NUDT6: variants seen among roughly 807,000 people sequenced by gnomAD.
The protein encoded by NUDT6 is FAD diphosphatase NUDT6.
In NUDT6, 24 loss-of-function variants were observed where a neutral mutation model predicts 36.8. The observed-to-expected ratio is 0.65, with a 90% confidence interval of 0.47 to 0.92. NUDT6 has a LOEUF of 0.92. Ranked by LOEUF, NUDT6 falls within the 40% of genes least tolerant of loss-of-function variation. The pLI, the probability that NUDT6 is intolerant of heterozygous loss-of-function variation, is 0.00. For missense variants in NUDT6, 388 were observed against 392.8 expected (o/e 0.99, Z 0.10); for synonymous variants, 163 against 157.0 (o/e 1.04, Z -0.29).
Position 122,917,613 on chromosome 4 carries a change from G to T in NUDT6, c.330C>A (p.Ser110=). ...LQSRFIAPAA[S]LGFCFHHAES... ...CTGCGTGGTGAAAGCAGAAGCCCAG[G>T]GAAGCAGCAGGGGCAATAAATCGGC... The change falls in exon 2 of 5, where the codon TCC becomes TCA. Residue 110 remains serine (S), a synonymous_variant. Transcript: ENST00000304430. 6.2e-7 allele frequency: 1 copy of T among 1,614,192 alleles called. No homozygotes were observed. The highest frequency in any genetic ancestry group is 8.5e-7 in the Non-Finnish European group (1 of 1,180,026).
intron 3 of NUDT6, chr4:122,898,008 C>A (rs1727416582): frequency 1.8e-5 from 4 of 225,470 alleles, no homozygotes; most frequent in Admixed American, 5.4e-5. Context: ...TGCTAGTTAA[C>A]TATGAACAGA....
At chr4:122,903,564 T>C (rs916651621) in intron 3 of NUDT6, among the ~76,000 whole-genome samples, 1 of 152,206 alleles carries the variant, frequency 6.6e-6, no homozygotes, top group Non-Finnish European at 1.5e-5. Flanking sequence ...ATGCTGTTAT[T>C]GTCTCTCAGC....
chr4:122,900,704 A>G (rs1461551074), intron 3 of NUDT6, among the ~76,000 whole-genome samples: 1 of 151,674 alleles, frequency 6.6e-6, no homozygotes, highest in Non-Finnish European at 1.5e-5. Flanking sequence ...ATACCTTTTA[A>G]TCTCTTCCTG....
intron 3 of NUDT6, among the ~76,000 whole-genome samples, chr4:122,910,402 A>T (rs75038402): frequency 0.044 from 6,734 of 152,220 alleles, 475 homozygotes; most frequent in African/African-American, 0.15. Context: ...TTTAACATTA[A>T]CATACCCAAG....
At chr4:122,906,014 G>T (rs1463886106) in intron 3 of NUDT6, among the ~76,000 whole-genome samples, 2 of 152,204 alleles carry the variant, frequency 1.3e-5, no homozygotes, top group Admixed American at 1.3e-4. Context: ...TACTGGCTCA[G>T]AGGGTTCAAG....
intron 2 of NUDT6, among the ~76,000 whole-genome samples, chr4:122,916,415 T>G (rs1727845597): frequency 6.6e-6 from 1 of 152,226 alleles, no homozygotes; most frequent in East Asian, 1.9e-4. Context: ...TATTAAGAAG[T>G]AATTGTTCAA....
In NUDT6 at chr4:122,922,339, C is replaced by G. The variant is rs576070300; in HGVS notation, c.234G>C (p.Leu78Phe). The change falls in exon 1 of 5, where the codon TTG (leucine) becomes TTC (phenylalanine). Residue 78 changes from leucine (L) to phenylalanine (F), a missense_variant. Transcript: ENST00000304430. ...CTTCGTCCCAGGCGCACTTGCCCTG[C>G]AAGCCCTTCTGGAAGGCGGCAGCGT... is the stretch of plus-strand genomic sequence containing the variant. ...RLDAAAFQKGLQAAVQQWRSE... is the reference protein window; with the variant it reads ...RLDAAAFQKGFQAAVQQWRSE... 1 of 1,599,396 alleles carries G rather than the reference C, an allele frequency of 6.3e-7. No individual in the cohort carries two copies. Among genetic ancestry groups the G allele is most frequent in the Non-Finnish European group, 8.5e-7 (1 of 1,178,266 alleles).
intron 4 of NUDT6, chr4:122,896,590 A>G (rs538748070): frequency 6.6e-6 from 1 of 152,292 alleles, no homozygotes; most frequent in Admixed American, 6.5e-5. Context: ...CTTTTATATC[A>G]ACAGAAGAAT....
intron 2 of NUDT6, among the ~76,000 whole-genome samples, 164 bp from the exon 3 acceptor site, chr4:122,912,787 G>A (rs1444566386): frequency 6.6e-6 from 1 of 152,140 alleles, no homozygotes; most frequent in Non-Finnish European, 1.5e-5. Flanking sequence ...GAGCAGAAGT[G>A]TTAGATTTTT....
intron 4 of NUDT6, 59 bp downstream of exon 4, chr4:122,897,565 G>A (rs1024252509): frequency 1.2e-5 from 15 of 1,205,266 alleles, no homozygotes; most frequent in Non-Finnish European, 1.6e-5. Context: ...AAGCAAGAAA[G>A]TAAACACATT....
chr4:122,922,456 CG>C lies in NUDT6; in HGVS notation c.116del (p.Pro39ArgfsTer87). The C allele has an allele frequency of 6.2e-7, 1 of 1,611,978 alleles. No homozygotes were observed. The highest frequency in any genetic ancestry group is 8.5e-7 in the Non-Finnish European group (1 of 1,179,848). ...CCTGCAGATCGCACGCTCCAACTGGCGGATTCCGCACGTAACCCTGTGCGCC... is the reference window on the plus strand; with the variant it reads ...CCTGCAGATCGCACGCTCCAACTGGCGATTCCGCACGTAACCCTGTGCGCC... ...ASGAQGYVRN[P>X]PVGACDLQGE... On this transcript the variant is annotated frameshift_variant, in exon 1 of 5. Coordinates refer to ENST00000304430, the MANE Select transcript of NUDT6 (RefSeq NM_007083.5). LOFTEE classifies it high-confidence loss of function.
At chr4:122,915,491 A>C (rs12646285) in intron 2 of NUDT6, among the ~76,000 whole-genome samples, 18,674 of 137,566 alleles carry the variant, frequency 0.14, 2,094 homozygotes, top group East Asian at 0.43. Flanking sequence ...AAAAAAAAAA[A>C]AAAAAAACAA....
At chr4:122,914,132 A>G (rs539970368) in intron 2 of NUDT6, among the ~76,000 whole-genome samples, 1 of 152,232 alleles carries the variant, frequency 6.6e-6, no homozygotes, top group African/African-American at 2.4e-5. Flanking sequence ...AACAAAAAAT[A>G]AATTATATAG....
chr4:122,893,424 C>T (rs1727251441), intron 4 of NUDT6, 199 bp from the exon 5 acceptor site: 1 of 474,088 alleles, frequency 2.1e-6, no homozygotes, highest in South Asian at 5.3e-5. Flanking sequence ...ATTCAAGAAG[C>T]TTTTGAAATG....
intron 3 of NUDT6, among the ~76,000 whole-genome samples, chr4:122,909,571 T>G (rs1313678715): frequency 6.6e-6 from 1 of 152,158 alleles, no homozygotes; most frequent in East Asian, 1.9e-4. Context: ...TATTAGCAAA[T>G]GTTTGGCTAT....
At chr4:122,893,854 G>A (rs1727265639) in intron 4 of NUDT6, 1 of 152,118 alleles carries the variant, frequency 6.6e-6, no homozygotes, top group African/African-American at 2.4e-5. Context: ...TTCTGTCATT[G>A]TCTCCCAAAG....
intron 3 of NUDT6, among the ~76,000 whole-genome samples, chr4:122,910,470 T>A (rs1332868937): frequency 1.3e-5 from 2 of 152,234 alleles, no homozygotes; most frequent in African/African-American, 4.8e-5. Context: ...GCTAGATTCT[T>A]ATTTGGTAGA....
chr4:122,907,800 C>T (rs753539356), intron 3 of NUDT6, among the ~76,000 whole-genome samples: 1 of 152,108 alleles, frequency 6.6e-6, no homozygotes, highest in African/African-American at 2.4e-5. Flanking sequence ...CACCCAAATT[C>T]TTTCTTGTGT....
intron 4 of NUDT6, chr4:122,893,496 C>G (rs1417786922): frequency 3.3e-6 from 1 of 304,388 alleles, no homozygotes; most frequent in Admixed American, 4.8e-5. Flanking sequence ...GGGGTCAGCT[C>G]TTTTTAACTT....
Sources: allele counts gnomAD v4.1 joint callset (sites outside exome capture counted in the v4.1 genomes callset), GRCh38; gene constraint gnomAD v4.1.1; transcripts MANE v1.5; gene names NCBI Gene and HGNC (gene_info 2026-07-23, HGNC 2026-07-21).